Variants in HS6ST3 observed in about 807,000 individuals in gnomAD.
HS6ST3 encodes the protein heparan-sulfate 6-O-sulfotransferase 3.
In HS6ST3, 12 loss-of-function variants were observed where a neutral mutation model predicts 36.7. The observed-to-expected ratio is 0.33, with a 90% confidence interval of 0.21 to 0.53. The LOEUF is 0.53. HS6ST3 is among the 20% of genes least tolerant of loss of function. The pLI is 0.95. For synonymous variants in HS6ST3, 240 were observed against 257.5 expected, an observed-to-expected ratio of 0.93 and a Z score of 0.65; for missense variants, 584 against 640.9, an observed-to-expected ratio of 0.91 and a Z score of 0.96.
intron 1 of HS6ST3, among the ~76,000 whole-genome samples, chr13:96,686,532 T>C (rs955661203): frequency 6.6e-5 from 10 of 152,060 alleles, no homozygotes; most frequent in African/African-American, 1.9e-4. Context: ...GTTGTTTTTG[T>C]TGTTGTTTGA....
At position 96,176,424 on chromosome 13, in the gene HS6ST3, G is replaced by GAAT. The variant is rs541080219; in HGVS notation, c.707+84857_707+84859dup. On this transcript the variant is annotated intron_variant, in intron 1 of 1. Transcript: ENST00000376705. ...GATATAATTCTGATGGAACCCTAATGAATACCTTGTTCTAGGCAGTGATTA... is the reference window on the plus strand; with the variant it reads ...GATATAATTCTGATGGAACCCTAATGAATAATACCTTGTTCTAGGCAGTGATTA... 3.3e-4 allele frequency among the ~76,000 whole-genome samples: 50 copies of GAAT among 151,996 alleles called. No homozygotes were observed. The East Asian group carries it at 9.3e-3, about 28-fold the overall frequency.
intron 1 of HS6ST3, among the ~76,000 whole-genome samples, chr13:96,250,640 T>A (rs1028886496): frequency 2.0e-5 from 3 of 152,170 alleles, no homozygotes; most frequent in Non-Finnish European, 4.4e-5. Context: ...ACAGAATACA[T>A]TTCTATTGGT....
chr13:96,223,983 C>G (rs973978518), intron 1 of HS6ST3, among the ~76,000 whole-genome samples: 4 of 151,856 alleles, frequency 2.6e-5, no homozygotes, highest in African/African-American at 9.7e-5. Flanking sequence ...CCCTCTTCTT[C>G]CTTTCCCTCC....
intron 1 of HS6ST3, among the ~76,000 whole-genome samples, chr13:96,202,347 A>G (rs1340247345): frequency 1.3e-5 from 2 of 152,194 alleles, no homozygotes; most frequent in South Asian, 2.1e-4. Context: ...CTTTCTAGCT[A>G]CTATCCCTTC....
At chr13:96,371,823 C>T (rs1249979884) in intron 1 of HS6ST3, among the ~76,000 whole-genome samples, 2 of 152,074 alleles carry the variant, frequency 1.3e-5, no homozygotes, top group East Asian at 3.8e-4. Context: ...TAATAGTATT[C>T]TATTGCATAT....
chr13:96,371,012 A>T (rs1186760292), intron 1 of HS6ST3, among the ~76,000 whole-genome samples: 1 of 152,224 alleles, frequency 6.6e-6, no homozygotes, highest in South Asian at 2.1e-4. Context: ...ATAAATAATT[A>T]TGTTATTTTA....
At chr13:96,606,581 GAGAGGGAGGGAC>G (rs2056439352) in intron 1 of HS6ST3, among the ~76,000 whole-genome samples, 1 of 142,108 alleles carries the variant, frequency 7.0e-6, no homozygotes, top group Admixed American at 7.2e-5. Context: ...GGAGGAGGGA[GAGAGGGAGGGAC>G]AGAGGGAGGG....
At chr13:96,241,031 T>G (rs959843153) in intron 1 of HS6ST3, among the ~76,000 whole-genome samples, 2 of 152,158 alleles carry the variant, frequency 1.3e-5, no homozygotes, top group Non-Finnish European at 2.9e-5. Flanking sequence ...TTATTCCTAC[T>G]GGCCATATCG....
At chr13:96,115,355 T>G (rs1478411238) in intron 1 of HS6ST3, among the ~76,000 whole-genome samples, 1 of 152,116 alleles carries the variant, frequency 6.6e-6, no homozygotes, top group Non-Finnish European at 1.5e-5. Context: ...TGTACCATGG[T>G]GGTTTGCTGC....
rs573674332 is a variant in HS6ST3 at position 96,400,740 on chromosome 13, C to T, written c.707+309171C>T. On this transcript the variant is annotated intron_variant, in intron 1 of 1. Coordinates refer to ENST00000376705, the MANE Select transcript of HS6ST3 (RefSeq NM_153456.4). ...GCTTTGTGGTTTGGGAATTTGTCTCCGACAAACCTAAGAGTAGTAAAATAC... is the reference window on the plus strand; with the variant it reads ...GCTTTGTGGTTTGGGAATTTGTCTCTGACAAACCTAAGAGTAGTAAAATAC... Among the ~76,000 whole-genome samples the T allele has an allele frequency of 2.6e-5, 4 of 152,186 alleles. No individual in the cohort carries two copies. In the East Asian group the frequency reaches 7.7e-4, roughly 29 times the overall value.
intron 1 of HS6ST3, among the ~76,000 whole-genome samples, chr13:96,555,991 A>G (rs1054202761): frequency 2.0e-5 from 3 of 152,194 alleles, no homozygotes; most frequent in Non-Finnish European, 2.9e-5. Context: ...CAGAATCTCA[A>G]CCACCTTAAG....
intron 1 of HS6ST3, among the ~76,000 whole-genome samples, chr13:96,822,985 A>G (rs1411977268): frequency 1.3e-5 from 2 of 152,182 alleles, no homozygotes; most frequent in Non-Finnish European, 2.9e-5. Flanking sequence ...ACATCATGTC[A>G]CAAGCTCTAA....
chr13:96,143,439 A>G (rs1283264334), intron 1 of HS6ST3, among the ~76,000 whole-genome samples: 3 of 148,346 alleles, frequency 2.0e-5, no homozygotes, highest in South Asian at 2.1e-4. Flanking sequence ...ATATAAATAT[A>G]TGTTTATATA....
intron 1 of HS6ST3, among the ~76,000 whole-genome samples, chr13:96,404,763 T>C (rs907376331): frequency 4.6e-5 from 7 of 152,304 alleles, no homozygotes; most frequent in African/African-American, 1.4e-4. Flanking sequence ...AATAGAATTC[T>C]GTGCTAGAAA....
At position 96,685,041 on chromosome 13, in the gene HS6ST3, A is replaced by G. The variant is rs145053158; in HGVS notation, c.708-147449A>G. Among the ~76,000 whole-genome samples, 102 of 152,254 alleles carry G rather than the reference A, an allele frequency of 6.7e-4. 2 individuals are homozygous for G. The highest frequency in any genetic ancestry group is 2.4e-3 in the African/African-American group (99 of 41,590). ...ATATAAAGTAAAAAAAGATCAATACATAAATTGAGTATTCAGAACACAGCA... is the reference window on the plus strand; with the variant it reads ...ATATAAAGTAAAAAAAGATCAATACGTAAATTGAGTATTCAGAACACAGCA... On this transcript the variant is annotated intron_variant, in intron 1 of 1. Coordinates refer to ENST00000376705, the MANE Select transcript of HS6ST3 (RefSeq NM_153456.4).
At chr13:96,306,262 C>T (rs2054912756) in intron 1 of HS6ST3, among the ~76,000 whole-genome samples, 1 of 152,040 alleles carries the variant, frequency 6.6e-6, no homozygotes, top group Admixed American at 6.6e-5. Flanking sequence ...TGCCACCATG[C>T]CCAGCTAATT....
In HS6ST3 at chr13:96,141,186, C is replaced by A. The variant is rs574341505; in HGVS notation, c.707+49617C>A. Among the ~76,000 whole-genome samples, 5 of 152,286 alleles carry A rather than the reference C, an allele frequency of 3.3e-5. No homozygotes were observed. In the South Asian group the frequency reaches 1.0e-3, roughly 32 times the overall value. On this transcript the variant is annotated intron_variant, in intron 1 of 1. Transcript: ENST00000376705. ...GGGTTTGTGATGAGGACCGAATTTACAAAGCTGCTAAGCTCGAAACCTTGA... is the reference window on the plus strand; with the variant it reads ...GGGTTTGTGATGAGGACCGAATTTAAAAAGCTGCTAAGCTCGAAACCTTGA...
intron 1 of HS6ST3, among the ~76,000 whole-genome samples, chr13:96,792,047 T>C (rs1241327913): frequency 2.0e-5 from 3 of 152,076 alleles, no homozygotes; most frequent in Non-Finnish European, 4.4e-5. Context: ...TACGTGAGTG[T>C]ATATATTAAA....
intron 1 of HS6ST3, among the ~76,000 whole-genome samples, chr13:96,661,409 G>C (rs1479349360): frequency 6.6e-6 from 1 of 151,928 alleles, no homozygotes; most frequent in Non-Finnish European, 1.5e-5. Flanking sequence ...TTGAGTTAAA[G>C]GTTGTCTTAT....
Sources: gnomAD v4.1 joint callset for allele counts (sites outside exome capture counted in the v4.1 genomes callset) on GRCh38, gnomAD v4.1.1 for gene constraint, MANE v1.5 for transcripts, NCBI Gene and HGNC (gene_info 2026-07-23, HGNC 2026-07-21) for gene names.